C3: variants seen among roughly 807,000 people sequenced by gnomAD.
C3 encodes the protein complement C3, also known as C3 and PZP-like alpha-2-macroglobulin domain-containing protein 1.
In C3, 97 loss-of-function variants were observed where a neutral mutation model predicts 207.9. The observed-to-expected ratio is 0.47, with a 90% CI of 0.40 to 0.55. C3 has a LOEUF of 0.55. Among genes scored for constraint, C3 ranks in the 20% least tolerant of loss-of-function variants. The probability of loss-of-function intolerance (pLI) is 0.00; values close to 1 mark genes in which losing one functional copy is unlikely to be tolerated. For missense variants in C3, 1,684 were observed against 2,171.7 expected (o/e 0.78, Z 4.46); for synonymous variants, 848 against 857.6 (o/e 0.99, Z 0.20).
At chr19:6,683,618 T>G (rs996230475) in intron 33 of C3, among the ~76,000 whole-genome samples, 1 of 151,852 alleles carries the variant, frequency 6.6e-6, no homozygotes, top group Non-Finnish European at 1.5e-5. Flanking sequence ...GCCCGGCTAA[T>G]TTTTTTGTAT....
intron 4 of C3, 86 bp downstream of exon 4, chr19:6,718,008 G>C: frequency 1.5e-6 from 2 of 1,316,464 alleles, no homozygotes; most frequent in Non-Finnish European, 2.2e-6. Flanking sequence ...CACCCCTTCC[G>C]GTGTGTCTTT....
chr19:6,705,962 C>T (rs1568221887), intron 17 of C3, among the ~76,000 whole-genome samples: 1 of 152,198 alleles, frequency 6.6e-6, no homozygotes, highest in Non-Finnish European at 1.5e-5. Flanking sequence ...GTGTGAGCCA[C>T]CATGCCCGGC....
chr19:6,696,617 G>T lies in C3; in HGVS notation c.2839C>A (p.Leu947Met), dbSNP rs747930736. 1 of 1,613,976 alleles carries T rather than the reference G, an allele frequency of 6.2e-7. No individual in the cohort carries two copies. Among genetic ancestry groups the T allele is most frequent in the Non-Finnish European group, 8.5e-7 (1 of 1,180,016 alleles). The change falls in exon 22 of 41, where the codon CTG becomes ATG. Residue 947 changes from leucine (L) to methionine (M), a missense_variant. Leu to Met is a conservative substitution (Grantham distance 15). Transcript: ENST00000245907. ...CCACGGCCCAGGCGTTCTGGATCCA[G>T]GGTGCGAACAGCCACAGTTTTGTTC... is the stretch of plus-strand genomic sequence containing the variant. The part of the protein sequence containing the change: ...RMNKTVAVRT[L>M]DPERLGREGV...
chr19:6,689,583 C>T (rs183299394), intron 27 of C3, among the ~76,000 whole-genome samples: 28 of 152,152 alleles, frequency 1.8e-4, no homozygotes, highest in Non-Finnish European at 2.9e-4. Flanking sequence ...CAGTGACTCA[C>T]GCCTGTAATC....
chr19:6,689,356 C>CTACCTACCT (rs1918107969), intron 27 of C3, among the ~76,000 whole-genome samples: 4 of 47,198 alleles, frequency 8.5e-5, no homozygotes, highest in African/African-American at 4.9e-4. Flanking sequence ...TCCCTCCCTC[C>CTACCTACCT]CTCCCTCTCT....
At position 6,718,104 on chromosome 19, in the gene C3, A is replaced by G. The variant is rs1445999848; in HGVS notation, c.494T>C (p.Val165Ala). Residue 165 changes from valine to alanine, a missense_variant, in exon 4 of 41, where the codon GTC (valine) becomes GCC (alanine). Coordinates refer to ENST00000245907, the MANE Select transcript of C3 (RefSeq NM_000064.4). The part of the protein sequence containing the change: ...KLLPVGRTVM[V>A]NIENPEGIPV... The stretch of plus-strand genomic sequence containing the variant: ...CCCTCTGGCTGGCACCTCAATGTTG[A>G]CCATGACCGTCCGGCCCACGGGTAG... 2 of 1,613,908 alleles carry G rather than the reference A, an allele frequency of 1.2e-6. No homozygotes were observed. Among genetic ancestry groups the G allele is most frequent in the Middle Eastern group, 1.7e-4 (1 of 6,060 alleles).
intron 27 of C3, among the ~76,000 whole-genome samples, chr19:6,687,899 C>T (rs1487680116): frequency 1.3e-5 from 2 of 150,930 alleles, no homozygotes; most frequent in Non-Finnish European, 3.0e-5. Context: ...CTCTGTCGCC[C>T]ACGCTGGAGT....
rs201456014 is a variant in C3 at position 6,692,742 on chromosome 19, TG to T, written c.3390+181del. 4.7e-3 allele frequency among the ~76,000 whole-genome samples: 714 copies of T among 152,284 alleles called. 4 individuals are homozygous for T. The highest frequency in any genetic ancestry group is 0.016 in the African/African-American group (664 of 41,564). On this transcript the variant is annotated intron_variant, in intron 26 of 40. Transcript: ENST00000245907. Reference sequence around the variant, plus strand: ...TTTTGCGCTGGGCTTCGCAGGTCTCTGGTTTTTGCAATGCTGGAGTGACGCC... The same window carrying T: ...TTTTGCGCTGGGCTTCGCAGGTCTCTGTTTTTGCAATGCTGGAGTGACGCC...
At chr19:6,695,419 G>C (rs1426057438) in intron 23 of C3, among the ~76,000 whole-genome samples, 1 of 152,090 alleles carries the variant, frequency 6.6e-6, no homozygotes, top group African/African-American at 2.4e-5. Flanking sequence ...CCCTCCTGGG[G>C]CAAGAAATGA....
chr19:6,690,768 T>G, intron 26 of C3, 41 bp from the exon 27 acceptor site: 1 of 1,454,796 alleles, frequency 6.9e-7, no homozygotes, highest in Non-Finnish European at 9.6e-7. Context: ...GTCACCGGTG[T>G]GTCCACACAT....
chr19:6,686,920 A>G lies in C3; in HGVS notation c.3490-18T>C, dbSNP rs1918023935. On this transcript the variant is annotated intron_variant, in intron 27 of 40. Transcript: ENST00000245907. ...GGCAGGCTCTATGAGAAAGAGGATCAGATTCTCCGGTCATGTGGGCATTGC... is the reference window on the plus strand; with the variant it reads ...GGCAGGCTCTATGAGAAAGAGGATCGGATTCTCCGGTCATGTGGGCATTGC... The G allele has an allele frequency of 6.2e-7, 1 of 1,613,840 alleles. No individual in the cohort carries two copies. Among genetic ancestry groups the G allele is most frequent in the South Asian group, 1.1e-5 (1 of 91,076 alleles).
chr19:6,685,666 G>T (rs1917985458), intron 29 of C3, among the ~76,000 whole-genome samples: 1 of 152,306 alleles, frequency 6.6e-6, no homozygotes, highest in South Asian at 2.1e-4. Flanking sequence ...TGAAACCATG[G>T]CCTAGAAGAG....
At position 6,711,171 on chromosome 19, in the gene C3, G is replaced by A. The variant is rs532944249; in HGVS notation, c.1295C>T (p.Ser432Leu). 8.7e-6 allele frequency: 14 copies of A among 1,613,546 alleles called. 1 individual carries two copies. Among genetic ancestry groups the A allele is most frequent in the South Asian group, 7.7e-5 (7 of 91,066 alleles). The change falls in exon 12 of 41, where the codon TCG becomes TTG. Residue 432 changes from serine to leucine, a missense_variant. By Grantham distance (145) the Ser-to-Leu change is moderately radical. This residue lies in a region of C3 where 1,280 missense variants were observed against 1,739.1 expected (regional missense o/e 0.74). Transcript: ENST00000245907. ...GGTCCTGGTAGCCTGCTCTGCCTCCGAGAGCTCCTGCTTCTTCGTGCGCAC... is the reference window on the plus strand; with the variant it reads ...GGTCCTGGTAGCCTGCTCTGCCTCCAAGAGCTCCTGCTTCTTCGTGCGCAC... ...ITVRTKKQEL[S>L]EAEQATRTMQ... is the part of the protein sequence containing the mutation.
chr19:6,707,448 G>A lies in C3; in HGVS notation c.2047+18C>T, dbSNP rs2145422920. On this transcript the variant is annotated intron_variant, in intron 16 of 40. Transcript: ENST00000245907. Reference sequence around the variant, plus strand: ...GGGGTGGGGCTCGGGGGCAGGAGTGGGTAGGAAAGGCTCCCACCTTTGTCC... The same window carrying A: ...GGGGTGGGGCTCGGGGGCAGGAGTGAGTAGGAAAGGCTCCCACCTTTGTCC... 1 of 1,613,414 alleles carries A rather than the reference G, an allele frequency of 6.2e-7. No homozygotes were observed. Among genetic ancestry groups the A allele is most frequent in the Non-Finnish European group, 8.5e-7 (1 of 1,179,592 alleles).
rs1568213476 is a variant in C3, at chr19:6,689,340, C to CTT, written c.3489+1288_3489+1289insAA. On this transcript the variant is annotated intron_variant, in intron 27 of 40. Coordinates refer to ENST00000245907, the MANE Select transcript of C3 (RefSeq NM_000064.4). Reference sequence around the variant, plus strand: ...CTCTCTCTACCTACCTCCCTCCCTCCCTCCCTCCCTCCCTCCCTCCCTCTC... The same window carrying CTT: ...CTCTCTCTACCTACCTCCCTCCCTCCTTCTCCCTCCCTCCCTCCCTCCCTCTC... 7.9e-5 allele frequency among the ~76,000 whole-genome samples: 4 copies of CTT among 50,756 alleles called. No individual in the cohort carries two copies. In the East Asian group the frequency reaches 1.5e-3, roughly 19 times the overall value. 33.3% of individuals were successfully genotyped at this position (50,756 alleles called of 152,430 possible). A position where few individuals can be genotyped will look rare whatever the true frequency, so the allele number is the denominator to read the frequency against.
At chr19:6,713,000 C>T (rs1487029801) in intron 9 of C3, among the ~76,000 whole-genome samples, 189 bp downstream of exon 9, 4 of 151,898 alleles carry the variant, frequency 2.6e-5, no homozygotes, top group Non-Finnish European at 5.9e-5. Context: ...GGCCCTGCCT[C>T]CCCCCATCAG....
At position 6,708,561 on chromosome 19, in the gene C3, CTCCTTCCT is replaced by C. The variant is rs369901403; in HGVS notation, c.1846-640_1846-633del. Among the ~76,000 whole-genome samples, 1,144 of 147,532 alleles carry C rather than the reference CTCCTTCCT, an allele frequency of 7.8e-3. 20 individuals are homozygous for C. The highest frequency in any genetic ancestry group is 0.028 in the African/African-American group (1,103 of 39,626). ...GCTCCCCCTTTCCTTCCCTCCTTCCCTCCTTCCTTCCTTCCTTCTTTCCTTCCTTCATT... is the reference window on the plus strand; with the variant it reads ...GCTCCCCCTTTCCTTCCCTCCTTCCCTCCTTCCTTCTTTCCTTCCTTCATT... On this transcript the variant is annotated intron_variant, in intron 14 of 40. Transcript: ENST00000245907.
In C3 at chr19:6,684,550, T is replaced by C. The variant is rs1216420702; in HGVS notation, c.4120+10A>G. On this transcript the variant is annotated intron_variant, in intron 32 of 40. Transcript: ENST00000245907. ...AGGAAGGTGACAGATAAGGCCTTGA[T>C]TCCTTTTACCTGTTTCCGGTGCTGG... 4 of 1,608,912 alleles carry C rather than the reference T, an allele frequency of 2.5e-6. No individual in the cohort carries two copies. The African/African-American group carries it at 4.0e-5, about 16-fold the overall frequency.
At position 6,697,454 on chromosome 19, in the gene C3, C is replaced by T. The variant is rs777574436; in HGVS notation, c.2686G>A (p.Val896Ile). 15 of 1,613,690 alleles carry T rather than the reference C, an allele frequency of 9.3e-6. No individual in the cohort carries two copies. Among genetic ancestry groups the T allele is most frequent in the African/African-American group, 1.3e-5 (1 of 74,802 alleles). Reference sequence around the variant, plus strand: ...TTTAGCGGCACGATGACATATGGAACGGACAACGAGGACTTGGGGGGGATG... The same window carrying T: ...TTTAGCGGCACGATGACATATGGAATGGACAACGAGGACTTGGGGGGGATG... ...VTIPPKSSLS[V>I]PYVIVPLKTG... The change falls in exon 21 of 41, where the codon GTT (valine) becomes ATT (isoleucine). Residue 896 changes from valine (V) to isoleucine (I), a missense_variant. This residue lies in a region of C3 where 1,280 missense variants were observed against 1,739.1 expected (regional missense o/e 0.74). Transcript: ENST00000245907.
Sources: gnomAD v4.1 joint callset for allele counts (sites outside exome capture counted in the v4.1 genomes callset) on GRCh38, gnomAD v4.1.1 for gene constraint, gnomAD v4.1.1 regional missense constraint, MANE v1.5 for transcripts, NCBI Gene and HGNC (gene_info 2026-07-23, HGNC 2026-07-21) for gene names.